SLC13A4: variants seen among roughly 807,000 people sequenced by gnomAD.
SLC13A4 encodes the protein solute carrier family 13 member 4.
Under a neutral mutation model 72.7 loss-of-function variants are expected in SLC13A4, and 28 were observed. The ratio of observed to expected loss-of-function variants is 0.39; its 90% CI spans 0.29 to 0.53. SLC13A4 has a LOEUF of 0.53. Ranked by LOEUF, SLC13A4 falls within the 20% of genes least tolerant of loss-of-function variation. The probability of loss-of-function intolerance (pLI) is 0.78; values close to 1 mark genes in which losing one functional copy is unlikely to be tolerated. For synonymous variants in SLC13A4, 312 were observed against 325.5 expected (o/e 0.96, Z 0.45); for missense variants, 653 against 788.0 (o/e 0.83, Z 2.05).
At chr7:135,699,246 T>C in intron 8 of SLC13A4, 118 bp downstream of exon 8, 1 of 1,060,568 alleles carries the variant, frequency 9.4e-7, no homozygotes, top group Non-Finnish European at 1.3e-6. Flanking sequence ...AGCCTGTTTT[T>C]CCCTCTTTCT....
At position 135,722,872 on chromosome 7, in the gene SLC13A4, A is replaced by G. The variant is rs1376761307; in HGVS notation, c.100-1349T>C. Reference sequence around the variant, plus strand: ...GGAAGGGAAGACTGAAGAGGAAGGCAGCGATCCTGAGCATGGAACTCTCAT... The same window carrying G: ...GGAAGGGAAGACTGAAGAGGAAGGCGGCGATCCTGAGCATGGAACTCTCAT... On this transcript the variant is annotated intron_variant, in intron 1 of 15. Transcript: ENST00000682651. Among the ~76,000 whole-genome samples the G allele has an allele frequency of 2.0e-5, 3 of 152,158 alleles. No homozygotes were observed. In the East Asian group the frequency reaches 5.8e-4, roughly 29 times the overall value.
chr7:135,708,691 T>C (rs1477607419), intron 2 of SLC13A4, among the ~76,000 whole-genome samples: 1 of 152,144 alleles, frequency 6.6e-6, no homozygotes, highest in Non-Finnish European at 1.5e-5. Context: ...TCATTTCTAT[T>C]AGAAAATTAA....
chr7:135,697,867 C>G (rs1431462482), intron 8 of SLC13A4, among the ~76,000 whole-genome samples: 2 of 152,096 alleles, frequency 1.3e-5, no homozygotes, highest in Non-Finnish European at 2.9e-5. Flanking sequence ...CTAGCTTACT[C>G]CCGTCCTTCA....
intron 2 of SLC13A4, among the ~76,000 whole-genome samples, chr7:135,713,840 G>C (rs1423735685): frequency 1.3e-5 from 2 of 152,228 alleles, no homozygotes; most frequent in Non-Finnish European, 2.9e-5. Context: ...CTCCCAAAGT[G>C]CTGGGATTAC....
At chr7:135,691,852 G>A in intron 11 of SLC13A4, 1 of 525,828 alleles carries the variant, frequency 1.9e-6, no homozygotes. Context: ...GGCCTGGCTA[G>A]AGTAGATGTC....
At chr7:135,724,790 GT>G (rs1796620418) in intron 1 of SLC13A4, among the ~76,000 whole-genome samples, 1 of 152,142 alleles carries the variant, frequency 6.6e-6, no homozygotes. Flanking sequence ...TTTCCATACA[GT>G]TTCCACTTAT....
intron 5 of SLC13A4, 134 bp downstream of exon 5, chr7:135,705,462 G>C: frequency 1.3e-6 from 1 of 752,804 alleles, no homozygotes; most frequent in South Asian, 1.8e-5. Flanking sequence ...GGGCGGGGTG[G>C]GGGGGTGGTG....
chr7:135,709,119 G>A (rs184329965), intron 2 of SLC13A4, among the ~76,000 whole-genome samples: 1 of 151,784 alleles, frequency 6.6e-6, no homozygotes, highest in East Asian at 1.9e-4. Context: ...TTTTAGTAGA[G>A]ATGGGGTTTC....
intron 2 of SLC13A4, among the ~76,000 whole-genome samples, chr7:135,715,245 G>A (rs892854848): frequency 6.6e-6 from 1 of 151,928 alleles, no homozygotes; most frequent in East Asian, 1.9e-4. Context: ...GTGTGTATGT[G>A]TATGTGTATG....
At chr7:135,707,769 G>T (rs1038617978) in intron 3 of SLC13A4, 1 of 182,874 alleles carries the variant, frequency 5.5e-6, no homozygotes, top group Non-Finnish European at 1.1e-5. Context: ...AGCCACTTCC[G>T]GTCCAGCCTG....
At chr7:135,723,752 C>T (rs1796595500) in intron 1 of SLC13A4, among the ~76,000 whole-genome samples, 1 of 152,064 alleles carries the variant, frequency 6.6e-6, no homozygotes, top group South Asian at 2.1e-4. Flanking sequence ...GGACCTTGTG[C>T]CCTCCTGACA....
Position 135,692,566 on chromosome 7 carries a change from T to A in SLC13A4, c.1122-142A>T, listed in dbSNP as rs765407368. The stretch of plus-strand genomic sequence containing the variant: ...TCACTGCCTAACCACTATGAATGGC[T>A]GACAGTGAGATGAGGAGAAGACTGA... On this transcript the variant is annotated intron_variant, in intron 10 of 15. Coordinates refer to ENST00000682651, the MANE Select transcript of SLC13A4 (RefSeq NM_001318192.2). The A allele has an allele frequency of 3.3e-5, 20 of 614,512 alleles. No homozygotes were observed. The highest frequency in any genetic ancestry group is 5.1e-5 in the Non-Finnish European group (18 of 351,730). The allele number at this position is 614,512 out of a possible 1,614,324, so 38.1% of individuals were successfully genotyped here.
intron 11 of SLC13A4, 65 bp downstream of exon 11, chr7:135,692,256 CTA>C (rs1157503785): frequency 9.1e-7 from 1 of 1,102,808 alleles, no homozygotes; most frequent in African/African-American, 1.5e-5. Context: ...CCCTGAGAGT[CTA>C]TGAAGTCTTG....
chr7:135,707,480 A>C (rs2129494835), intron 3 of SLC13A4: 1 of 152,370 alleles, frequency 6.6e-6, no homozygotes. Context: ...GAGTCAGGGC[A>C]GCTTACATAA....
chr7:135,702,555 T>C (rs1796062224), intron 6 of SLC13A4: 1 of 317,346 alleles, frequency 3.2e-6, no homozygotes, highest in African/African-American at 2.2e-5. Flanking sequence ...TTTGTATTTT[T>C]AGTACAGGCG....
rs546528710 is a variant in SLC13A4, at chr7:135,724,002, C to T, written c.100-2479G>A. Among the ~76,000 whole-genome samples the T allele has an allele frequency of 2.4e-4, 37 of 152,286 alleles. No homozygotes were observed. The South Asian group carries it at 7.7e-3, about 32-fold the overall frequency. On this transcript the variant is annotated intron_variant, in intron 1 of 15. Transcript: ENST00000682651. The stretch of plus-strand genomic sequence containing the variant: ...TAAAACTACCTAAAGGAGTTCAAAC[C>T]CACGTGTTCTCATCTCTCTTCTGGG...
At chr7:135,694,651 C>G (rs1362024423) in intron 9 of SLC13A4, among the ~76,000 whole-genome samples, 1 of 152,178 alleles carries the variant, frequency 6.6e-6, no homozygotes, top group African/African-American at 2.4e-5. Flanking sequence ...CATTTTTACT[C>G]CAGAGAAGCT....
At chr7:135,715,494 G>GGTGT (rs201607692) in intron 2 of SLC13A4, among the ~76,000 whole-genome samples, 1 of 151,048 alleles carries the variant, frequency 6.6e-6, no homozygotes, top group Non-Finnish European at 1.5e-5. Context: ...TGTATGAGTG[G>GGTGT]GTGTGTAGGA....
intron 1 of SLC13A4, among the ~76,000 whole-genome samples, chr7:135,722,733 A>G (rs1434276255): frequency 6.6e-6 from 1 of 152,136 alleles, no homozygotes; most frequent in Non-Finnish European, 1.5e-5. Context: ...CTGGTTGACC[A>G]TTTCCCCCTT....
Sources: allele counts gnomAD v4.1 joint callset (sites outside exome capture counted in the v4.1 genomes callset), GRCh38; gene constraint gnomAD v4.1.1; transcripts MANE v1.5; gene names NCBI Gene and HGNC (gene_info 2026-07-23, HGNC 2026-07-21).